The following PPP1R12A variants were observed in gnomAD, a reference collection of about 807,000 sequenced individuals.
PPP1R12A encodes the protein protein phosphatase 1 regulatory subunit 12A.
PPP1R12A carries 19 observed loss-of-function variants against 139.6 expected under a neutral mutation model. The observed-to-expected ratio is 0.14, with a 90% CI of 0.09 to 0.20. PPP1R12A has a LOEUF of 0.20. PPP1R12A is among the 10% of genes least tolerant of loss of function. The probability of loss-of-function intolerance (pLI) is 1.00; values close to 1 mark genes in which losing one functional copy is unlikely to be tolerated. For synonymous variants in PPP1R12A, 427 were observed against 420.6 expected, an observed-to-expected ratio of 1.02 and a Z score of -0.19; for missense variants, 925 against 1,211.5, an observed-to-expected ratio of 0.76 and a Z score of 3.51.
At chr12:79,812,316 T>G (rs923221571) in intron 9 of PPP1R12A, among the ~76,000 whole-genome samples, 1 of 152,048 alleles carries the variant, frequency 6.6e-6, no homozygotes, top group African/African-American at 2.4e-5. Context: ...CTTTGGCTTT[T>G]TTTACTGGAC....
chr12:79,808,167 A>C (rs1874088954), intron 11 of PPP1R12A, among the ~76,000 whole-genome samples: 1 of 152,166 alleles, frequency 6.6e-6, no homozygotes, highest in South Asian at 2.1e-4. Flanking sequence ...AAAATGATTA[A>C]GTAAGGGCTT....
intron 1 of PPP1R12A, among the ~76,000 whole-genome samples, chr12:79,874,434 C>CTA (rs1882903754): frequency 6.6e-6 from 1 of 151,808 alleles, no homozygotes; most frequent in African/African-American, 2.4e-5. Flanking sequence ...GTTTTAAACT[C>CTA]TAAGACTGTA....
At chr12:79,784,068 T>G (rs1870804064) in intron 22 of PPP1R12A, among the ~76,000 whole-genome samples, 2 of 152,120 alleles carry the variant, frequency 1.3e-5, no homozygotes, top group South Asian at 4.1e-4. Flanking sequence ...CAAGATTAAT[T>G]TCATGCAACT....
At chr12:79,793,789 A>G (rs1351417436) in intron 19 of PPP1R12A, 74 bp downstream of exon 19, 43 of 1,198,240 alleles carry the variant, frequency 3.6e-5, no homozygotes, top group South Asian at 2.7e-4. Context: ...ATGAATAAAC[A>G]TAATAAAACG....
At chr12:79,879,931 T>G in intron 1 of PPP1R12A, among the ~76,000 whole-genome samples, 1 of 152,034 alleles carries the variant, frequency 6.6e-6, no homozygotes, top group African/African-American at 2.4e-5. Flanking sequence ...AAATATGTAT[T>G]CCTTTAACTT....
chr12:79,920,065 C>T (rs746309419), intron 1 of PPP1R12A, among the ~76,000 whole-genome samples: 8 of 152,222 alleles, frequency 5.3e-5, no homozygotes, highest in Non-Finnish European at 8.8e-5. Context: ...CATTTATCTG[C>T]CTTCTTGCTT....
Position 79,795,601 on chromosome 12 carries a change from G to T in PPP1R12A, c.2583+37C>A, listed in dbSNP as rs980251851. 4 of 1,575,590 alleles carry T rather than the reference G, an allele frequency of 2.5e-6. No homozygotes were observed. In the African/African-American group the frequency reaches 5.5e-5, roughly 22 times the overall value. On this transcript the variant is annotated intron_variant, in intron 18 of 24. Transcript: ENST00000450142. The stretch of plus-strand genomic sequence containing the variant: ...TTGGACACATTAAGAATACTATCAA[G>T]AATACTATCAAATAATGTATTTTAA...
At chr12:79,910,820 AAGTT>A (rs374142597) in intron 1 of PPP1R12A, among the ~76,000 whole-genome samples, 79 of 152,336 alleles carry the variant, frequency 5.2e-4, no homozygotes, top group African/African-American at 1.8e-3. Flanking sequence ...GTGGCTAAAA[AAGTT>A]AGTATTACTG....
intron 2 of PPP1R12A, among the ~76,000 whole-genome samples, chr12:79,848,395 C>T (rs1285918808): frequency 6.6e-6 from 1 of 152,000 alleles, no homozygotes; most frequent in East Asian, 1.9e-4. Context: ...ATCTATTCTG[C>T]TTGGGTATCA....
rs1020079999 is a variant in PPP1R12A, at chr12:79,863,851, G to C, written c.368+8957C>G. On this transcript the variant is annotated intron_variant, in intron 2 of 24. Transcript: ENST00000450142. ...CAGATACATAAAGCAAGTTCTTAGA[G>C]ACCTACGAAGAGACTTAGACTTCCA... Among the ~76,000 whole-genome samples, 4 of 152,032 alleles carry C rather than the reference G, an allele frequency of 2.6e-5. 1 individual carries two copies. The highest frequency in any genetic ancestry group is 2.0e-4 in the Admixed American group (3 of 15,262).
chr12:79,935,082 T>C lies in PPP1R12A; in HGVS notation c.-151A>G. On this transcript the variant is annotated 5_prime_UTR_variant, in exon 1 of 25. In the 5' UTR this introduces an upstream ATG that the reference lacks. Transcript: ENST00000450142. ...CGGAGCCGACGCTCGAGACTTCCAG[T>C]ATCCCACAGAGCACTGGGGCGGCGC... The C allele has an allele frequency of 7.1e-7, 1 of 1,404,646 alleles. No homozygotes were observed. The highest frequency in any genetic ancestry group is 9.2e-7 in the Non-Finnish European group (1 of 1,082,056). The allele number at this position is 1,404,646 out of a possible 1,614,324, so 87.0% of individuals were successfully genotyped here.
At chr12:79,918,209 G>A (rs1413509435) in intron 1 of PPP1R12A, among the ~76,000 whole-genome samples, 1 of 150,858 alleles carries the variant, frequency 6.6e-6, no homozygotes, top group South Asian at 2.1e-4. Flanking sequence ...TTTTCTGTAT[G>A]TTCATAAATT....
At chr12:79,851,494 G>A (rs1024374161) in intron 2 of PPP1R12A, among the ~76,000 whole-genome samples, 1 of 152,136 alleles carries the variant, frequency 6.6e-6, no homozygotes, top group African/African-American at 2.4e-5. Context: ...GATTTCTGAT[G>A]AGAAATCTGC....
chr12:79,838,618 C>T (rs1396750052), intron 3 of PPP1R12A, among the ~76,000 whole-genome samples: 1 of 152,208 alleles, frequency 6.6e-6, no homozygotes, highest in African/African-American at 2.4e-5. Context: ...GTCCCAGCTA[C>T]TCCAGCCCTA....
intron 1 of PPP1R12A, among the ~76,000 whole-genome samples, chr12:79,905,339 G>GCCA (rs1555244684): frequency 9.4e-6 from 1 of 106,050 alleles, no homozygotes; most frequent in Non-Finnish European, 2.0e-5. Context: ...TTGTTTTGCC[G>GCCA]CCCCCCCCCA....
At chr12:79,786,776 C>T (rs998661763) in intron 21 of PPP1R12A, 1 of 196,192 alleles carries the variant, frequency 5.1e-6, no homozygotes, top group South Asian at 1.1e-4. Context: ...GGACCACATA[C>T]CTGCACAGCA....
At chr12:79,887,860 A>T (rs919187135) in intron 1 of PPP1R12A, among the ~76,000 whole-genome samples, 1 of 152,174 alleles carries the variant, frequency 6.6e-6, no homozygotes, top group African/African-American at 2.4e-5. Flanking sequence ...TACACACCAA[A>T]GCGTTAATTA....
At chr12:79,887,339 A>G (rs1014602775) in intron 1 of PPP1R12A, among the ~76,000 whole-genome samples, 2 of 152,162 alleles carry the variant, frequency 1.3e-5, no homozygotes, top group African/African-American at 2.4e-5. Context: ...CCTTAAGAAT[A>G]GAAACTGCCT....
chr12:79,826,143 AG>A (rs1333634873), intron 5 of PPP1R12A, among the ~76,000 whole-genome samples: 4 of 152,050 alleles, frequency 2.6e-5, no homozygotes, highest in Admixed American at 1.3e-4. Flanking sequence ...AAGAAGTTAT[AG>A]AGGAACTTAG....
Sources: allele counts gnomAD v4.1 joint callset (sites outside exome capture counted in the v4.1 genomes callset), GRCh38; gene constraint gnomAD v4.1.1; transcripts MANE v1.5; gene names NCBI Gene and HGNC (gene_info 2026-07-23, HGNC 2026-07-21).